SLC23A2: variants seen among roughly 807,000 people sequenced by gnomAD.
SLC23A2 encodes solute carrier family 23 member 2.
SLC23A2 carries 36 observed loss-of-function variants against 73.3 expected under a neutral mutation model. The ratio of observed to expected loss-of-function variants is 0.49; its 90% CI spans 0.38 to 0.65. The LOEUF is 0.65. Ranked by LOEUF, SLC23A2 falls within the 30% of genes least tolerant of loss-of-function variation. SLC23A2 has a pLI of 0.00. For synonymous variants in SLC23A2, 343 were observed against 327.3 expected (o/e 1.05, Z -0.52); for missense variants, 507 against 841.6 (o/e 0.60, Z 4.92).
In SLC23A2 at chr20:4,899,642, T is replaced by C. The variant is rs142422867; in HGVS notation, c.395A>G (p.Tyr132Cys). 2 of 1,613,960 alleles carry C rather than the reference T, an allele frequency of 1.2e-6. No homozygotes were observed. The highest frequency in any genetic ancestry group is 1.3e-5 in the African/African-American group (1 of 74,892). ...FLLADAMCVGYDQWATSQLIG... is the reference protein window; with the variant it reads ...FLLADAMCVGCDQWATSQLIG... ...GAGCTGGCTGGTGGCCCACTGGTCG[T>C]ACCCCACACACATGGCATCGGCCAA... The change falls in exon 6 of 17, where the codon TAC (tyrosine) becomes TGC (cysteine). Residue 132 changes from tyrosine (Y) to cysteine (C), a missense_variant. Coordinates refer to ENST00000338244, the MANE Select transcript of SLC23A2 (RefSeq NM_005116.6). The surrounding 1 kb of genome is among the most constrained non-coding windows in gnomAD (Gnocchi z 4.9).
chr20:4,914,290 A>G (rs1030448127), intron 3 of SLC23A2, among the ~76,000 whole-genome samples: 2 of 152,108 alleles, frequency 1.3e-5, no homozygotes, highest in Non-Finnish European at 2.9e-5. Flanking sequence ...GGAAATGGGC[A>G]AGGGCTAGGA....
rs537193305 is a variant in SLC23A2 at position 4,999,187 on chromosome 20, T to G, written c.-282+2219A>C. On this transcript the variant is annotated intron_variant, in intron 1 of 16. Transcript: ENST00000338244. ...TGGTACCAGAATATAGGTCCCCAAA[T>G]AGATCCCTGGTTTGTCTTTAGAGAC... Among the ~76,000 whole-genome samples the G allele has an allele frequency of 9.9e-5, 15 of 152,266 alleles. No individual in the cohort carries two copies. In the South Asian group the frequency reaches 2.9e-3, roughly 29 times the overall value.
At chr20:4,933,832 A>G (rs1932815617) in intron 2 of SLC23A2, among the ~76,000 whole-genome samples, 1 of 152,200 alleles carries the variant, frequency 6.6e-6, no homozygotes, top group Non-Finnish European at 1.5e-5. Context: ...TCCCACTAGG[A>G]ATAAAGAATC....
chr20:4,856,574 A>G lies in SLC23A2; in HGVS notation c.*398T>C. 6.1e-6 allele frequency: 1 copy of G among 165,178 alleles called. No individual in the cohort carries two copies. The highest frequency in any genetic ancestry group is 1.3e-5 in the Non-Finnish European group (1 of 76,476). The allele number at this position is 165,178 out of a possible 1,614,324, so 10.2% of individuals were successfully genotyped here. A position where few individuals can be genotyped will look rare whatever the true frequency, so the allele number is the denominator to read the frequency against. ...GACGAGGGTCAAATGACAAGGAAAC[A>G]GGTCCAGGGGCTTCGGAGAGAGAGA... On this transcript the variant is annotated 3_prime_UTR_variant, in exon 17 of 17. Coordinates refer to ENST00000338244, the MANE Select transcript of SLC23A2 (RefSeq NM_005116.6). This position sits in a 1 kb window ranked among gnomAD's most constrained non-coding sequence, Gnocchi z 4.6.
At chr20:4,996,702 AAAAAAAACAAC>A (rs1297464736) in intron 1 of SLC23A2, among the ~76,000 whole-genome samples, 2 of 145,598 alleles carry the variant, frequency 1.4e-5, no homozygotes, top group African/African-American at 4.9e-5. Flanking sequence ...AAAAAAAAAA[AAAAAAAACAAC>A]AACTCATGAG....
intron 6 of SLC23A2, among the ~76,000 whole-genome samples, chr20:4,887,886 T>C (rs1194684667): frequency 1.3e-5 from 2 of 152,202 alleles, no homozygotes; most frequent in Non-Finnish European, 2.9e-5. Flanking sequence ...CAAGAGCATA[T>C]GCACACGTTA....
intron 2 of SLC23A2, among the ~76,000 whole-genome samples, chr20:4,953,010 G>A (rs1031539455): frequency 6.8e-6 from 1 of 146,672 alleles, no homozygotes; most frequent in Non-Finnish European, 1.5e-5. Context: ...GTGATAGAAC[G>A]AGACTCAAAA....
intron 1 of SLC23A2, among the ~76,000 whole-genome samples, chr20:4,995,884 A>C (rs143570584): frequency 6.6e-6 from 1 of 152,264 alleles, no homozygotes; most frequent in Non-Finnish European, 1.5e-5. Context: ...GCTCCCTGGC[A>C]CTCAACTGAC....
At chr20:4,860,375 G>A (rs986663370) in intron 15 of SLC23A2, among the ~76,000 whole-genome samples, 6 of 152,108 alleles carry the variant, frequency 3.9e-5, no homozygotes, top group East Asian at 3.9e-4. Context: ...TCCTTTTTGC[G>A]GACTATGTAG....
chr20:4,964,223 G>A (rs1378100741), intron 2 of SLC23A2, among the ~76,000 whole-genome samples: 1 of 151,950 alleles, frequency 6.6e-6, no homozygotes, highest in Non-Finnish European at 1.5e-5. Flanking sequence ...TTGAACTCCT[G>A]GGCTCAAGCA....
chr20:4,968,023 C>T (rs749575949), intron 2 of SLC23A2, among the ~76,000 whole-genome samples: 2 of 152,190 alleles, frequency 1.3e-5, no homozygotes, highest in African/African-American at 4.8e-5. Flanking sequence ...TGACACCAAC[C>T]ATCCAACTAG....
At chr20:4,987,142 A>G (rs894663058) in intron 1 of SLC23A2, among the ~76,000 whole-genome samples, 1 of 152,132 alleles carries the variant, frequency 6.6e-6, no homozygotes, top group African/African-American at 2.4e-5. Flanking sequence ...TGCAAAAAGA[A>G]CTCAAACAGA....
At chr20:4,920,024 G>A (rs1318188579) in intron 3 of SLC23A2, among the ~76,000 whole-genome samples, 1 of 152,206 alleles carries the variant, frequency 6.6e-6, no homozygotes, top group Admixed American at 6.5e-5. Flanking sequence ...ACTCTGGGAG[G>A]CCAAGACGGG....
At position 4,872,571 on chromosome 20, in the gene SLC23A2, G is replaced by C. The variant is rs1467959312; in HGVS notation, c.1102+1365C>G. Reference sequence around the variant, plus strand: ...AGACCACCTTGTATACGCTGTGGGGGCTTCTACCTACCTGCCACCCCCGCC... The same window carrying C: ...AGACCACCTTGTATACGCTGTGGGGCCTTCTACCTACCTGCCACCCCCGCC... On this transcript the variant is annotated intron_variant, in intron 11 of 16. Transcript: ENST00000338244. The surrounding 1 kb of genome is among the most constrained non-coding windows in gnomAD (Gnocchi z 4.4). Among the ~76,000 whole-genome samples the C allele has an allele frequency of 6.6e-6, 1 of 152,034 alleles. No homozygotes were observed.
In SLC23A2 at chr20:4,881,796, C is replaced by T. The variant is rs550208376; in HGVS notation, c.824+1846G>A. Among the ~76,000 whole-genome samples the T allele has an allele frequency of 3.8e-4, 58 of 152,292 alleles. 1 individual carries two copies. The highest frequency in any genetic ancestry group is 1.3e-3 in the African/African-American group (55 of 41,550). Reference sequence around the variant, plus strand: ...GAACACCTCTGGCTACTAAGTGTGACTGGTGCTGTTCTTGCCATCATTTCC... The same window carrying T: ...GAACACCTCTGGCTACTAAGTGTGATTGGTGCTGTTCTTGCCATCATTTCC... On this transcript the variant is annotated intron_variant, in intron 9 of 16. Transcript: ENST00000338244.
intron 4 of SLC23A2, among the ~76,000 whole-genome samples, chr20:4,903,362 G>GC (rs551982178): frequency 4.7e-4 from 71 of 152,224 alleles, no homozygotes; most frequent in African/African-American, 1.6e-3. Context: ...ACTCAAGGTA[G>GC]CCCCGAGTTC....
At chr20:4,935,203 A>AG (rs2086943425) in intron 2 of SLC23A2, among the ~76,000 whole-genome samples, 1 of 151,128 alleles carries the variant, frequency 6.6e-6, no homozygotes, top group Non-Finnish European at 1.5e-5. Flanking sequence ...AAAAAAAAAA[A>AG]AAAAGAAACC....
intron 1 of SLC23A2, among the ~76,000 whole-genome samples, chr20:4,976,754 A>G (rs925743248): frequency 6.6e-6 from 1 of 151,916 alleles, no homozygotes; most frequent in African/African-American, 2.4e-5. Flanking sequence ...GCAGCAGATC[A>G]TGAGGTCAAG....
At chr20:5,001,316 C>T (rs2088120744) in intron 1 of SLC23A2, 90 bp downstream of exon 1, 1 of 146,570 alleles carries the variant, frequency 6.8e-6, no homozygotes, top group African/African-American at 2.5e-5. Context: ...CCGTGCCAGG[C>T]CGGCCTCGTG....
Sources: allele counts gnomAD v4.1 joint callset (sites outside exome capture counted in the v4.1 genomes callset), GRCh38; gene constraint gnomAD v4.1.1; non-coding constraint Gnocchi (gnomAD v3.1); transcripts MANE v1.5; gene names NCBI Gene and HGNC (gene_info 2026-07-23, HGNC 2026-07-21).